SLC22A23: variants seen among roughly 807,000 people sequenced by gnomAD.
The protein encoded by SLC22A23 is solute carrier family 22 member 23.
In SLC22A23, 26 loss-of-function variants were observed where a neutral mutation model predicts 61.0. The ratio of observed to expected loss-of-function variants is 0.43; its 90% CI spans 0.31 to 0.59. SLC22A23 has a LOEUF of 0.59. SLC22A23 is among the 20% of genes least tolerant of loss of function. The pLI is 0.11. For synonymous variants in SLC22A23, 430 were observed against 413.9 expected (o/e 1.04, Z -0.47); for missense variants, 796 against 934.7 (o/e 0.85, Z 1.94).
At chr6:3,313,138 A>ATC (rs1226837160) in intron 4 of SLC22A23, 2 of 152,044 alleles carry the variant, frequency 1.3e-5, no homozygotes, top group African/African-American at 4.8e-5. Flanking sequence ...GTCTTACACA[A>ATC]TCTCTGTGGA....
At chr6:3,428,720 A>AACTGG (rs1770665458) in intron 1 of SLC22A23, among the ~76,000 whole-genome samples, 1 of 152,232 alleles carries the variant, frequency 6.6e-6, no homozygotes, top group South Asian at 2.1e-4. Flanking sequence ...AGCCCTTCAC[A>AACTGG]ACTGGACTCT....
intron 3 of SLC22A23, among the ~76,000 whole-genome samples, chr6:3,358,812 A>C (rs1765268012): frequency 6.6e-6 from 1 of 152,216 alleles, no homozygotes; most frequent in South Asian, 2.1e-4. Flanking sequence ...AAAACACCGG[A>C]AGGAGTCACA....
At chr6:3,349,256 G>A (rs1303658534) in intron 3 of SLC22A23, among the ~76,000 whole-genome samples, 1 of 152,180 alleles carries the variant, frequency 6.6e-6, no homozygotes, top group Non-Finnish European at 1.5e-5. Context: ...ACTGAGCTGG[G>A]GCTTCGGACT....
intron 3 of SLC22A23, among the ~76,000 whole-genome samples, chr6:3,343,099 C>T (rs960908028): frequency 1.3e-4 from 20 of 152,206 alleles, no homozygotes; most frequent in Admixed American, 1.3e-3. Flanking sequence ...GGATTTATGA[C>T]AGTTGAATTC....
chr6:3,336,019 G>A (rs1763835619), intron 3 of SLC22A23, among the ~76,000 whole-genome samples: 1 of 151,974 alleles, frequency 6.6e-6, no homozygotes, highest in Non-Finnish European at 1.5e-5. Flanking sequence ...AACCCAGGAG[G>A]TGGAGCTTGC....
chr6:3,407,029 T>C (rs747425472), intron 3 of SLC22A23, among the ~76,000 whole-genome samples: 2 of 152,078 alleles, frequency 1.3e-5, no homozygotes, highest in Non-Finnish European at 2.9e-5. Flanking sequence ...CCTGCAAGAC[T>C]AAAAAAAGAA....
chr6:3,393,816 A>C (rs891651555), intron 3 of SLC22A23, among the ~76,000 whole-genome samples: 9 of 152,228 alleles, frequency 5.9e-5, no homozygotes, highest in African/African-American at 2.2e-4. Context: ...CTTCATTCGG[A>C]GTTACCTCTT....
At chr6:3,431,774 A>T (rs1156283947) in intron 1 of SLC22A23, among the ~76,000 whole-genome samples, 2 of 152,354 alleles carry the variant, frequency 1.3e-5, no homozygotes, top group East Asian at 3.9e-4. Flanking sequence ...CAAGGCAAAC[A>T]AACGTGTCCA....
At chr6:3,292,449 T>C (rs1013755021) in intron 5 of SLC22A23, among the ~76,000 whole-genome samples, 4 of 149,692 alleles carry the variant, frequency 2.7e-5, no homozygotes, top group Non-Finnish European at 5.9e-5. Context: ...GACACTGGCA[T>C]CTAGGATTTG....
At chr6:3,284,208 C>T (rs1053376350) in intron 8 of SLC22A23, 35 of 416,456 alleles carry the variant, frequency 8.4e-5, no homozygotes, top group African/African-American at 5.6e-4. Flanking sequence ...TGCTGAAGCT[C>T]ATGGTGGCCT....
chr6:3,422,352 G>C (rs1770198875), intron 1 of SLC22A23, among the ~76,000 whole-genome samples: 1 of 152,134 alleles, frequency 6.6e-6, no homozygotes, highest in South Asian at 2.1e-4. Context: ...GTCCACCCTG[G>C]AAGATGAGTC....
intron 1 of SLC22A23, among the ~76,000 whole-genome samples, chr6:3,423,021 C>T (rs540228840): frequency 1.0e-3 from 157 of 151,780 alleles, no homozygotes; most frequent in African/African-American, 3.5e-3. Flanking sequence ...TTCATTCGAA[C>T]CCTTAAGCAA....
rs182990560 is a variant in SLC22A23, at chr6:3,437,304, A to T, written c.654+18602T>A. 1.1e-4 allele frequency among the ~76,000 whole-genome samples: 17 copies of T among 152,316 alleles called. No individual in the cohort carries two copies. The East Asian group carries it at 3.1e-3, about 28-fold the overall frequency. ...ACCACACACATCAAAATTCCCTCAT[A>T]GTCTTGACAATATCCACTTTTGACA... On this transcript the variant is annotated intron_variant, in intron 1 of 9. Coordinates refer to ENST00000406686, the MANE Select transcript of SLC22A23 (RefSeq NM_015482.2).
rs973202207 is a variant in SLC22A23, at chr6:3,329,837, C to T, written c.914-5835G>A. On this transcript the variant is annotated intron_variant, in intron 3 of 9. Transcript: ENST00000406686. The surrounding 1 kb of genome is among the most constrained non-coding windows in gnomAD (Gnocchi z 4.8). ...CACTCTGCAGGCCCAAGGCCACTCT[C>T]GGGACAGGGCAAGTCTGCACAACTC... 5.3e-5 allele frequency among the ~76,000 whole-genome samples: 8 copies of T among 152,240 alleles called. No individual in the cohort carries two copies. Among genetic ancestry groups the T allele is most frequent in the African/African-American group, 1.9e-4 (8 of 41,474 alleles).
intron 4 of SLC22A23, among the ~76,000 whole-genome samples, chr6:3,320,427 A>C (rs1448797554): frequency 6.6e-6 from 1 of 152,020 alleles, no homozygotes; most frequent in Non-Finnish European, 1.5e-5. Flanking sequence ...AGTCCTTGTT[A>C]AGGTACATGC....
chr6:3,366,792 C>T (rs1765867132), intron 3 of SLC22A23, among the ~76,000 whole-genome samples: 1 of 152,166 alleles, frequency 6.6e-6, no homozygotes, highest in Non-Finnish European at 1.5e-5. Flanking sequence ...GCAGAAGCCA[C>T]CATGAACCTT....
Position 3,454,659 on chromosome 6 carries a change from T to C in SLC22A23, c.654+1247A>G, listed in dbSNP as rs2127561498. Among the ~76,000 whole-genome samples the C allele has an allele frequency of 6.6e-6, 1 of 152,186 alleles. No homozygotes were observed. Among genetic ancestry groups the C allele is most frequent in the South Asian group, 2.1e-4 (1 of 4,812 alleles). ...GGGTAGGAGGTGGGTGGGATCAAGG[T>C]GAACCCAGCTAGAAGGACCTTCCCC... On this transcript the variant is annotated intron_variant, in intron 1 of 9. Coordinates refer to ENST00000406686, the MANE Select transcript of SLC22A23 (RefSeq NM_015482.2). This position sits in a 1 kb window ranked among gnomAD's most constrained non-coding sequence, Gnocchi z 4.3.
intron 3 of SLC22A23, among the ~76,000 whole-genome samples, chr6:3,359,190 G>A (rs548246621): frequency 1.3e-5 from 2 of 151,902 alleles, no homozygotes; most frequent in East Asian, 1.9e-4. Flanking sequence ...GAAGGAGAGC[G>A]AGGAACATGC....
chr6:3,438,299 C>T (rs1214035960), intron 1 of SLC22A23, among the ~76,000 whole-genome samples: 1 of 152,226 alleles, frequency 6.6e-6, no homozygotes. Flanking sequence ...CCCAAGGGGG[C>T]CCCGGCCAGC....
Sources: allele counts gnomAD v4.1 joint callset (sites outside exome capture counted in the v4.1 genomes callset), GRCh38; gene constraint gnomAD v4.1.1; non-coding constraint Gnocchi (gnomAD v3.1); transcripts MANE v1.5; gene names NCBI Gene and HGNC (gene_info 2026-07-23, HGNC 2026-07-21).